Variants in SNTG1 observed in about 807,000 individuals in gnomAD.
SNTG1 encodes the protein syntrophin gamma 1.
A neutral mutation model predicts 74.7 loss-of-function variants in SNTG1; 39 were observed. The observed-to-expected ratio is 0.52, with a 90% CI of 0.40 to 0.68. The LOEUF (loss-of-function observed/expected upper bound fraction) is 0.68. Ranked by LOEUF, SNTG1 falls within the 30% of genes least tolerant of loss-of-function variation. The pLI is 0.00. For synonymous variants in SNTG1, 254 were observed against 217.1 expected (o/e 1.17, Z -1.49); for missense variants, 685 against 609.5 (o/e 1.12, Z -1.30).
intron 8 of SNTG1, among the ~76,000 whole-genome samples, chr8:50,496,305 G>T (rs1289557287): frequency 1.3e-5 from 2 of 152,306 alleles, no homozygotes; most frequent in East Asian, 3.9e-4. Context: ...TATGAGGCCA[G>T]TTAACTATGA....
At chr8:50,377,112 G>GGAGGT (rs2092402289) in intron 2 of SNTG1, among the ~76,000 whole-genome samples, 1 of 152,096 alleles carries the variant, frequency 6.6e-6, no homozygotes, top group Admixed American at 6.5e-5. Context: ...GGGGAATTCG[G>GGAGGT]GAGGTGTGTA....
intron 17 of SNTG1, among the ~76,000 whole-genome samples, chr8:50,721,974 A>G (rs1363680484): frequency 6.6e-6 from 1 of 152,132 alleles, no homozygotes; most frequent in Non-Finnish European, 1.5e-5. Flanking sequence ...CAGCCATCAA[A>G]TGATTCAGTG....
chr8:50,056,058 T>C (rs1819998942), intron 1 of SNTG1, among the ~76,000 whole-genome samples: 1 of 152,052 alleles, frequency 6.6e-6, no homozygotes, highest in Admixed American at 6.6e-5. Context: ...TACATGCATT[T>C]TGGATTGTCA....
At chr8:49,948,733 G>A (rs1352721773) in intron 1 of SNTG1, among the ~76,000 whole-genome samples, 1 of 152,136 alleles carries the variant, frequency 6.6e-6, no homozygotes, top group Non-Finnish European at 1.5e-5. Context: ...GATGCCTAAA[G>A]CTCAGTTTCG....
At chr8:50,704,498 TCTTTTTAC>T in intron 15 of SNTG1, 94 bp from the exon 16 acceptor site, 1 of 1,452,660 alleles carries the variant, frequency 6.9e-7, no homozygotes, top group Non-Finnish European at 9.7e-7. Context: ...CAGAGTGTTG[TCTTTTTAC>T]CTGTGGCTTC....
chr8:50,468,590 C>T (rs1224966636), intron 8 of SNTG1, among the ~76,000 whole-genome samples: 1 of 152,182 alleles, frequency 6.6e-6, no homozygotes, highest in East Asian at 1.9e-4. Flanking sequence ...CCTAGATAAT[C>T]TGTCTTTTGG....
intron 2 of SNTG1, among the ~76,000 whole-genome samples, chr8:50,378,307 G>T (rs935406052): frequency 6.6e-6 from 1 of 152,186 alleles, no homozygotes; most frequent in Non-Finnish European, 1.5e-5. Flanking sequence ...GTTTGGAGAT[G>T]CCAGGAACCA....
chr8:50,327,734 T>A (rs111598847), intron 2 of SNTG1, among the ~76,000 whole-genome samples: 5 of 152,144 alleles, frequency 3.3e-5, no homozygotes, highest in African/African-American at 9.6e-5. Context: ...TTTGTTTCAT[T>A]TTTGTCTTCC....
At chr8:50,484,217 T>TTCC (rs2093769928) in intron 8 of SNTG1, among the ~76,000 whole-genome samples, 1 of 82,874 alleles carries the variant, frequency 1.2e-5, no homozygotes, top group Non-Finnish European at 2.9e-5. Flanking sequence ...TCCTTCCTTC[T>TTCC]TTCTTTCTTT....
intron 3 of SNTG1, 52 bp downstream of exon 3, chr8:50,394,317 G>A (rs2092700865): frequency 6.3e-7 from 1 of 1,576,690 alleles, no homozygotes; most frequent in Non-Finnish European, 8.7e-7. Flanking sequence ...ATATAAGCGG[G>A]AAACACTTGG....
intron 2 of SNTG1, among the ~76,000 whole-genome samples, chr8:50,383,916 T>A (rs1297643519): frequency 6.6e-6 from 1 of 152,172 alleles, no homozygotes; most frequent in African/African-American, 2.4e-5. Flanking sequence ...GCTGGGAGTA[T>A]CTCAACTTCC....
At chr8:50,153,993 C>T (rs1035878156) in intron 1 of SNTG1, among the ~76,000 whole-genome samples, 4 of 152,206 alleles carry the variant, frequency 2.6e-5, no homozygotes, top group Non-Finnish European at 4.4e-5. Context: ...TATGCCCTGC[C>T]TCCAGAGGTG....
chr8:50,190,783 G>C (rs1325479445), intron 2 of SNTG1, among the ~76,000 whole-genome samples: 1 of 152,074 alleles, frequency 6.6e-6, no homozygotes, highest in Non-Finnish European at 1.5e-5. Flanking sequence ...TGACATGCTT[G>C]GTCATTTGGG....
chr8:50,035,638 C>T (rs188048737), intron 1 of SNTG1, among the ~76,000 whole-genome samples: 65 of 152,292 alleles, frequency 4.3e-4, no homozygotes, highest in African/African-American at 1.4e-3. Context: ...AACTTTCAAT[C>T]CCATTTATCA....
intron 1 of SNTG1, among the ~76,000 whole-genome samples, chr8:50,159,974 G>T (rs1481056723): frequency 6.6e-6 from 1 of 152,116 alleles, no homozygotes; most frequent in Non-Finnish European, 1.5e-5. Context: ...TACCTAAGTT[G>T]GGCCCTTACC....
intron 2 of SNTG1, among the ~76,000 whole-genome samples, chr8:50,183,564 T>C (rs1374983884): frequency 1.3e-5 from 2 of 152,186 alleles, no homozygotes; most frequent in Admixed American, 1.3e-4. Context: ...TTATATTCCA[T>C]AATACATCAG....
chr8:50,721,866 C>CA (rs2095488419), intron 17 of SNTG1, among the ~76,000 whole-genome samples: 1 of 151,964 alleles, frequency 6.6e-6, no homozygotes, highest in African/African-American at 2.4e-5. Context: ...TAATAAATAA[C>CA]AAAGATGTTG....
chr8:50,473,302 T>G (rs2093668055), intron 8 of SNTG1, among the ~76,000 whole-genome samples: 1 of 152,176 alleles, frequency 6.6e-6, no homozygotes, highest in Non-Finnish European at 1.5e-5. Flanking sequence ...CACCTTCTGC[T>G]ATAACTGTAA....
At position 50,794,745 on chromosome 8, in the gene SNTG1, T is replaced by C. The variant is rs1356611987; in HGVS notation, c.*1916T>C. The C allele has an allele frequency of 6.6e-6, 1 of 152,012 alleles. No individual in the cohort carries two copies. The highest frequency in any genetic ancestry group is 2.4e-5 in the African/African-American group (1 of 41,434). The allele number at this position is 152,012 out of a possible 1,614,324, so 9.4% of individuals were successfully genotyped here. The stretch of plus-strand genomic sequence containing the variant: ...CAGAGCTGAATCTCAGTGTGCCCCA[T>C]ATTGGGGTTACATGAATGTGTCCAC... On this transcript the variant is annotated 3_prime_UTR_variant, in exon 19 of 19. Transcript: ENST00000642720.
Sources: gnomAD v4.1 joint callset for allele counts (sites outside exome capture counted in the v4.1 genomes callset) on GRCh38, gnomAD v4.1.1 for gene constraint, MANE v1.5 for transcripts, NCBI Gene and HGNC (gene_info 2026-07-23, HGNC 2026-07-21) for gene names.